SMC1B: variants seen among roughly 807,000 people sequenced by gnomAD.
SMC1B encodes the protein structural maintenance of chromosomes protein 1B.
Under a neutral mutation model 157.9 loss-of-function variants are expected in SMC1B, and 60 were observed. The observed-to-expected ratio is 0.38, with a 90% CI of 0.31 to 0.47. SMC1B has a LOEUF of 0.47. Ranked by LOEUF, SMC1B falls within the 20% of genes least tolerant of loss-of-function variation. The probability of loss-of-function intolerance (pLI) is 0.99; values close to 1 mark genes in which losing one functional copy is unlikely to be tolerated. For synonymous variants in SMC1B, 445 were observed against 483.0 expected, an observed-to-expected ratio of 0.92 and a Z score of 1.03; for missense variants, 1,165 against 1,426.2, an observed-to-expected ratio of 0.82 and a Z score of 2.95.
At chr22:45,392,403 C>T (rs1028728626) in intron 9 of SMC1B, among the ~76,000 whole-genome samples, 3 of 142,592 alleles carry the variant, frequency 2.1e-5, no homozygotes, top group Non-Finnish European at 4.6e-5. Flanking sequence ...TACTTCAATA[C>T]TTTTTTTTTT....
chr22:45,357,853 CATG>C (rs901899440), intron 19 of SMC1B, among the ~76,000 whole-genome samples: 4 of 152,128 alleles, frequency 2.6e-5, no homozygotes, highest in Non-Finnish European at 5.9e-5. Flanking sequence ...TTTTATTATT[CATG>C]ATAAGCCCCC....
At chr22:45,371,731 A>G in intron 13 of SMC1B, 144 bp from the exon 14 acceptor site, 1 of 1,037,720 alleles carries the variant, frequency 9.6e-7, no homozygotes. Context: ...TAAATACCAC[A>G]TAAATAATTA....
chr22:45,413,173 G>A (rs2087370636), intron 1 of SMC1B, among the ~76,000 whole-genome samples: 1 of 152,008 alleles, frequency 6.6e-6, no homozygotes, highest in Admixed American at 6.6e-5. Context: ...GGGCGAGAGC[G>A]GGGCCCGAGG....
intron 11 of SMC1B, 143 bp downstream of exon 11, chr22:45,386,724 C>T: frequency 6.7e-6 from 4 of 600,040 alleles, no homozygotes; most frequent in Non-Finnish European, 7.9e-6. Context: ...GAAGCCATAA[C>T]CACCTTAGGT....
intron 19 of SMC1B, among the ~76,000 whole-genome samples, chr22:45,355,504 G>T (rs568920206): frequency 1.3e-5 from 2 of 152,132 alleles, no homozygotes; most frequent in African/African-American, 4.8e-5. Context: ...TTTTTTGTAA[G>T]AGACAGGTCT....
chr22:45,393,922 C>T, intron 8 of SMC1B, 81 bp from the exon 9 acceptor site: 2 of 940,516 alleles, frequency 2.1e-6, no homozygotes, highest in Non-Finnish European at 3.2e-6. Context: ...TCCTGTCTGG[C>T]ATTGCAGGGG....
At chr22:45,372,490 A>T (rs1331486216) in intron 12 of SMC1B, among the ~76,000 whole-genome samples, 198 bp from the exon 13 acceptor site, 1 of 152,196 alleles carries the variant, frequency 6.6e-6, no homozygotes, top group African/African-American at 2.4e-5. Context: ...AGCTTCCTCA[A>T]AAAAACTAAC....
rs136571 is a variant in SMC1B at position 45,371,816 on chromosome 22, T to G, written c.2197-229A>C. 0.62 allele frequency among the ~76,000 whole-genome samples: 94,506 copies of G among 152,028 alleles called. 31,933 individuals are homozygous for G. Among genetic ancestry groups the G allele is most frequent in the African/African-American group, 0.9 (37,199 of 41,506 alleles). On this transcript the variant is annotated intron_variant, in intron 13 of 24. Coordinates refer to ENST00000357450, the MANE Select transcript of SMC1B (RefSeq NM_148674.5). ...CCAGGCATGGTGGCTGTAATCTTTGTGAAGCCAAGGTGGGCATATCACCTG... is the reference window on the plus strand; with the variant it reads ...CCAGGCATGGTGGCTGTAATCTTTGGGAAGCCAAGGTGGGCATATCACCTG...
chr22:45,371,658 T>C (rs1199518113), intron 13 of SMC1B, 71 bp from the exon 14 acceptor site: 1 of 1,499,014 alleles, frequency 6.7e-7, no homozygotes, highest in East Asian at 2.4e-5. Context: ...AAAAATGTGA[T>C]AGGTATCTTT....
At chr22:45,396,528 A>G (rs778330459) in intron 6 of SMC1B, 42 bp from the exon 7 acceptor site, 16 of 1,553,262 alleles carry the variant, frequency 1.0e-5, no homozygotes, top group Non-Finnish European at 1.3e-5. Context: ...CACCTTAAGA[A>G]GCATGAGAGC....
Position 45,406,818 on chromosome 22 carries a change from C to A in SMC1B, c.346G>T (p.Val116Phe). The A allele has an allele frequency of 6.3e-7, 1 of 1,588,450 alleles. No individual in the cohort carries two copies. The highest frequency in any genetic ancestry group is 8.5e-7 in the Non-Finnish European group (1 of 1,173,624). The part of the protein sequence containing the change: ...RFNDNLVSRS[V>F]YIAELEKIGI... ...ATCTTTTCCAACTCTGCAATGTAAA[C>A]AGAACGACTCACAAGATTATCATTA... The change falls in exon 3 of 25, where the codon GTT becomes TTT. Residue 116 changes from valine to phenylalanine, a missense_variant. By Grantham distance (50) the Val-to-Phe change is conservative. Coordinates refer to ENST00000357450, the MANE Select transcript of SMC1B (RefSeq NM_148674.5).
At chr22:45,352,325 T>C in intron 22 of SMC1B, 126 bp downstream of exon 22, 1 of 819,956 alleles carries the variant, frequency 1.2e-6, no homozygotes, top group Non-Finnish European at 1.8e-6. Flanking sequence ...ATTGTCTGGC[T>C]GAAGAAGATA....
chr22:45,404,064 C>G (rs2087228731), intron 4 of SMC1B, among the ~76,000 whole-genome samples: 1 of 152,164 alleles, frequency 6.6e-6, no homozygotes, highest in Non-Finnish European at 1.5e-5. Context: ...GCCTCAGCCT[C>G]CTGAGTAGCT....
chr22:45,406,514 ATTAAAG>A lies in SMC1B; in HGVS notation c.555_560del (p.Phe186_Asn187del). On this transcript the variant is annotated inframe_deletion, in exon 4 of 25. Transcript: ENST00000357450. Reference sequence around the variant, plus strand: ...GCTCTGCCGCTATATTTTTTTTCTTATTAAAGTTAAACTGTGCATCCTCTTCGGCTT... The same window carrying A: ...GCTCTGCCGCTATATTTTTTTTCTTATTAAACTGTGCATCCTCTTCGGCTT... 1.2e-6 allele frequency: 2 copies of A among 1,611,966 alleles called. No homozygotes were observed. Among genetic ancestry groups the A allele is most frequent in the Non-Finnish European group, 1.7e-6 (2 of 1,179,726 alleles).
chr22:45,410,836 G>T (rs1369848821), intron 1 of SMC1B, among the ~76,000 whole-genome samples: 1 of 152,134 alleles, frequency 6.6e-6, no homozygotes, highest in Non-Finnish European at 1.5e-5. Flanking sequence ...AAAAGAACTA[G>T]AAATAAATTG....
chr22:45,411,887 T>A (rs1355093731), intron 1 of SMC1B, among the ~76,000 whole-genome samples: 1 of 151,632 alleles, frequency 6.6e-6, no homozygotes, highest in Non-Finnish European at 1.5e-5. Context: ...TCAGGCCTTA[T>A]TTTTTTGTTG....
At chr22:45,353,935 A>C in intron 21 of SMC1B, 43 bp downstream of exon 21, 2 of 1,081,128 alleles carry the variant, frequency 1.8e-6, no homozygotes, top group Non-Finnish European at 2.6e-6. Flanking sequence ...CACCACCGGT[A>C]ACACAGAATT....
At chr22:45,405,831 A>G (rs567382359) in intron 4 of SMC1B, among the ~76,000 whole-genome samples, 1 of 152,296 alleles carries the variant, frequency 6.6e-6, no homozygotes, top group South Asian at 2.1e-4. Context: ...CACATGCACT[A>G]ACAGTGTGGA....
intron 15 of SMC1B, among the ~76,000 whole-genome samples, chr22:45,364,824 CTTTTTTTTTTTTTTTT>C (rs202166311): frequency 6.7e-4 from 71 of 105,506 alleles, no homozygotes; most frequent in Non-Finnish European, 6.9e-4. Context: ...ATCTCTTTTC[CTTTTTTTTTTTTTTTT>C]TTTTTTTTTT....
Sources: gnomAD v4.1 joint callset for allele counts (sites outside exome capture counted in the v4.1 genomes callset) on GRCh38, gnomAD v4.1.1 for gene constraint, MANE v1.5 for transcripts, NCBI Gene and HGNC (gene_info 2026-07-23, HGNC 2026-07-21) for gene names.